Variants in PPP3CA observed in about 807,000 individuals in gnomAD.
PPP3CA encodes CAM-PRP catalytic subunit.
A neutral mutation model predicts 66.5 loss-of-function variants in PPP3CA; 14 were observed. That is an observed-to-expected ratio of 0.21 (90% CI 0.14 to 0.33). PPP3CA has a LOEUF of 0.33. PPP3CA is among the 10% of genes least tolerant of loss of function. The pLI is 1.00. For missense variants in PPP3CA, 317 were observed against 639.5 expected, an observed-to-expected ratio of 0.50 and a Z score of 5.44; for synonymous variants, 232 against 226.2, an observed-to-expected ratio of 1.03 and a Z score of -0.23.
At chr4:101,331,173 G>T (rs201594536) in intron 1 of PPP3CA, among the ~76,000 whole-genome samples, 1 of 152,160 alleles carries the variant, frequency 6.6e-6, no homozygotes, top group African/African-American at 2.4e-5. Context: ...CCTGAAGTTA[G>T]TGTTATGGTG....
At chr4:101,076,988 T>C (rs1007882881) in intron 8 of PPP3CA, among the ~76,000 whole-genome samples, 1 of 152,174 alleles carries the variant, frequency 6.6e-6, no homozygotes, top group Non-Finnish European at 1.5e-5. Flanking sequence ...GATTCAAACC[T>C]ACATCTTTTG....
At chr4:101,090,437 G>C (rs947384085) in intron 6 of PPP3CA, among the ~76,000 whole-genome samples, 1 of 151,898 alleles carries the variant, frequency 6.6e-6, no homozygotes, top group Non-Finnish European at 1.5e-5. Context: ...TCAGGAGTTT[G>C]AGACCAGCCT....
chr4:101,237,812 G>A (rs1253348298), intron 1 of PPP3CA, among the ~76,000 whole-genome samples: 1 of 152,038 alleles, frequency 6.6e-6, no homozygotes, highest in African/African-American at 2.4e-5. Flanking sequence ...CAGAATCAAG[G>A]ATATCCTTCC....
intron 2 of PPP3CA, among the ~76,000 whole-genome samples, chr4:101,189,199 C>T (rs1468222300): frequency 2.0e-5 from 3 of 152,028 alleles, no homozygotes; most frequent in Non-Finnish European, 4.4e-5. Flanking sequence ...GAAACACACA[C>T]ATATATAAAC....
chr4:101,067,288 CA>C (rs1728720678), intron 8 of PPP3CA, among the ~76,000 whole-genome samples: 1 of 152,046 alleles, frequency 6.6e-6, no homozygotes, highest in Non-Finnish European at 1.5e-5. Context: ...ACCCTGTGTT[CA>C]AAGACATGCT....
intron 1 of PPP3CA, among the ~76,000 whole-genome samples, chr4:101,199,459 A>C (rs1280776913): frequency 6.6e-6 from 1 of 152,218 alleles, no homozygotes; most frequent in African/African-American, 2.4e-5. Context: ...GGCTCTTTCC[A>C]AAACAATTTT....
chr4:101,094,538 C>T (rs986480614), intron 5 of PPP3CA, among the ~76,000 whole-genome samples: 1 of 152,148 alleles, frequency 6.6e-6, no homozygotes, highest in Non-Finnish European at 1.5e-5. Context: ...TGATAAACTA[C>T]AAGCCTCCTG....
At chr4:101,124,415 G>A (rs1432859881) in intron 2 of PPP3CA, among the ~76,000 whole-genome samples, 3 of 151,962 alleles carry the variant, frequency 2.0e-5, no homozygotes, top group African/African-American at 4.8e-5. Context: ...GAGGTTCCTA[G>A]GAGTTCCAGA....
intron 1 of PPP3CA, among the ~76,000 whole-genome samples, chr4:101,292,130 A>G (rs1728048824): frequency 8.2e-6 from 1 of 121,442 alleles, no homozygotes; most frequent in Non-Finnish European, 1.7e-5. Context: ...ACACACACAC[A>G]CGGCCCCTAT....
intron 1 of PPP3CA, among the ~76,000 whole-genome samples, chr4:101,241,512 C>T (rs371778276): frequency 1.3e-5 from 2 of 151,924 alleles, no homozygotes; most frequent in East Asian, 3.9e-4. Context: ...TCAAATTATT[C>T]CAATCATTTT....
intron 1 of PPP3CA, among the ~76,000 whole-genome samples, chr4:101,276,617 A>G (rs1379330444): frequency 2.0e-5 from 3 of 152,080 alleles, no homozygotes; most frequent in African/African-American, 7.2e-5. Context: ...TTCTTCACTC[A>G]TCCCATCATG....
At chr4:101,108,838 T>A (rs1357483910) in intron 3 of PPP3CA, 116 bp downstream of exon 3, 9 of 1,013,426 alleles carry the variant, frequency 8.9e-6, no homozygotes, top group Non-Finnish European at 1.3e-5. Context: ...ATGAATTAAG[T>A]GAATTAAATT....
chr4:101,155,352 G>C (rs1723284644), intron 2 of PPP3CA, among the ~76,000 whole-genome samples: 1 of 152,170 alleles, frequency 6.6e-6, no homozygotes, highest in Admixed American at 6.5e-5. Context: ...GCATTATGTA[G>C]AGCACCTTTA....
intron 2 of PPP3CA, among the ~76,000 whole-genome samples, chr4:101,139,968 C>T (rs1394852846): frequency 1.3e-5 from 2 of 151,752 alleles, no homozygotes; most frequent in African/African-American, 2.4e-5. Context: ...GGCAAAAAGG[C>T]ATTACCATAC....
chr4:101,234,047 C>T (rs1289427700), intron 1 of PPP3CA, among the ~76,000 whole-genome samples: 1 of 151,772 alleles, frequency 6.6e-6, no homozygotes, highest in African/African-American at 2.4e-5. Context: ...GGCTGCAGCA[C>T]AATCCATGTT....
At chr4:101,180,994 G>A (rs917052572) in intron 2 of PPP3CA, among the ~76,000 whole-genome samples, 14 of 152,136 alleles carry the variant, frequency 9.2e-5, no homozygotes, top group East Asian at 7.7e-4. Flanking sequence ...CAGGGTTACC[G>A]TGAGCTATGA....
intron 1 of PPP3CA, among the ~76,000 whole-genome samples, chr4:101,255,250 T>C (rs940728272): frequency 4.0e-5 from 6 of 151,840 alleles, no homozygotes; most frequent in African/African-American, 1.5e-4. Flanking sequence ...CAAATCCATA[T>C]TCAGAAGCCT....
chr4:101,025,899 T>C lies in PPP3CA; in HGVS notation c.1532A>G (p.Asp511Gly). ...KALTSETNGTDSNGSNSSNIQ is the reference protein window; with the variant it reads ...KALTSETNGTGSNGSNSSNIQ ...ATTGCTGCTATTACTGCCATTGCTG[T>C]CCGTGCCGTTAGTCTCTGAGGTGAG... The change falls in exon 14 of 14, where the codon GAC (aspartate) becomes GGC (glycine). Residue 511 changes from aspartate (D) to glycine (G), a missense_variant. Transcript: ENST00000394854. The C allele has an allele frequency of 6.2e-7, 1 of 1,600,534 alleles. No individual in the cohort carries two copies. The highest frequency in any genetic ancestry group is 8.5e-7 in the Non-Finnish European group (1 of 1,173,446).
chr4:101,305,903 A>G (rs936891956), intron 1 of PPP3CA, among the ~76,000 whole-genome samples: 11 of 152,208 alleles, frequency 7.2e-5, no homozygotes, highest in Middle Eastern at 3.2e-3. Context: ...CTACTCACTG[A>G]ACCAGTTAAT....
Sources: allele counts gnomAD v4.1 joint callset (sites outside exome capture counted in the v4.1 genomes callset), GRCh38; gene constraint gnomAD v4.1.1; transcripts MANE v1.5; gene names NCBI Gene and HGNC (gene_info 2026-07-23, HGNC 2026-07-21).